The following C12orf42 variants were observed in gnomAD, a reference collection of about 807,000 sequenced individuals.
C12orf42 encodes the protein uncharacterized protein C12orf42.
Under a neutral mutation model 21.6 loss-of-function variants are expected in C12orf42, and 25 were observed. The observed-to-expected ratio is 1.16, with a 90% CI of 0.84 to 1.62. C12orf42 has a LOEUF of 1.62. C12orf42 is among the 40% of genes most tolerant of loss of function. The pLI is 0.00. For synonymous variants in C12orf42, 174 were observed against 175.0 expected (o/e 0.99, Z 0.05); for missense variants, 483 against 459.3 (o/e 1.05, Z -0.47).
chr12:103,529,590 T>C, the C12orf42 span, among the ~76,000 whole-genome samples: 9 of 152,164 alleles, frequency 5.9e-5, 1 homozygote, highest in South Asian at 1.9e-3. Context: ...CAGCAGGAGA[T>C]AGTCAGGGAT....
At chr12:103,512,679 G>A in the C12orf42 span, among the ~76,000 whole-genome samples, 1 of 152,184 alleles carries the variant, frequency 6.6e-6, no homozygotes, top group Non-Finnish European at 1.5e-5. Context: ...AAGGATTGCT[G>A]TTGTGGTGGT....
chr12:103,111,749 C>T, the C12orf42 span, among the ~76,000 whole-genome samples: 3 of 152,174 alleles, frequency 2.0e-5, no homozygotes, highest in Non-Finnish European at 2.9e-5. Context: ...AGCACATTTT[C>T]ATCATGCTAA....
At chr12:103,436,054 C>T (rs570346250) in intron 2 of C12orf42, among the ~76,000 whole-genome samples, 12 of 152,126 alleles carry the variant, frequency 7.9e-5, no homozygotes, top group African/African-American at 2.7e-4. Context: ...GCGGATCTCT[C>T]GGCAGAAACC....
intron 2 of C12orf42, among the ~76,000 whole-genome samples, chr12:103,429,793 C>T (rs928028157): frequency 6.6e-6 from 1 of 152,100 alleles, no homozygotes; most frequent in Non-Finnish European, 1.5e-5. Context: ...TAGAACAGAA[C>T]AGAGGCCTCA....
intron 5 of C12orf42, among the ~76,000 whole-genome samples, chr12:103,275,477 T>C (rs1326405034): frequency 6.6e-6 from 1 of 152,076 alleles, no homozygotes; most frequent in African/African-American, 2.4e-5. Context: ...CTCCAAAAAC[T>C]AGACTAAGAT....
rs182644374 is a variant in C12orf42, at chr12:103,419,073, A to G, written c.79-17398T>C. On this transcript the variant is annotated intron_variant, in intron 2 of 5. Transcript: ENST00000548883. ...AAACTTAGATCTGGATGAAAGTTAA[A>G]TGAGAATATGAGGTAAGGCAGGAAG... Among the ~76,000 whole-genome samples the G allele has an allele frequency of 8.5e-4, 129 of 152,268 alleles. 1 individual carries two copies. The highest frequency in any genetic ancestry group is 1.5e-3 in the Non-Finnish European group (102 of 68,026).
chr12:103,339,084 C>T (rs972396893), intron 4 of C12orf42, among the ~76,000 whole-genome samples: 1 of 152,140 alleles, frequency 6.6e-6, no homozygotes, highest in Non-Finnish European at 1.5e-5. Context: ...GATTTAGAAT[C>T]CTTTCCTTTT....
At chr12:103,330,267 C>T (rs1439182462) in intron 4 of C12orf42, among the ~76,000 whole-genome samples, 1 of 152,096 alleles carries the variant, frequency 6.6e-6, no homozygotes, top group East Asian at 1.9e-4. Flanking sequence ...AACCTGTGTA[C>T]AAAGGATGTG....
At chr12:103,500,838 A>G (rs1219837109), upstream of C12orf42, among the ~76,000 whole-genome samples, 1 of 152,238 alleles carries the variant, frequency 6.6e-6, no homozygotes, top group Non-Finnish European at 1.5e-5. Flanking sequence ...TGCAAAGTAA[A>G]GGAAGAAATA....
At chr12:103,527,184 A>T in the C12orf42 span, among the ~76,000 whole-genome samples, 32 of 152,192 alleles carry the variant, frequency 2.1e-4, no homozygotes, top group Middle Eastern at 3.4e-3. Flanking sequence ...TACCAAAAAA[A>T]TTTCAGAAAG....
intron 4 of C12orf42, among the ~76,000 whole-genome samples, chr12:103,359,206 AC>A (rs1645693554): frequency 6.6e-6 from 1 of 151,578 alleles, no homozygotes; most frequent in African/African-American, 2.4e-5. Context: ...TCTTTTTCTT[AC>A]CTTTTTAAAA....
At chr12:103,496,125 C>G (rs1955535650), upstream of C12orf42, 1 of 152,292 alleles carries the variant, frequency 6.6e-6, no homozygotes, top group Non-Finnish European at 1.5e-5. Flanking sequence ...GGCCTGTGCA[C>G]GACTCCAAGC....
chr12:103,219,502 A>G, the C12orf42 span, among the ~76,000 whole-genome samples: 1 of 152,182 alleles, frequency 6.6e-6, no homozygotes, highest in Non-Finnish European at 1.5e-5. Context: ...AATTTTTGCA[A>G]TCTATCCATC....
At chr12:103,162,963 T>C in the C12orf42 span, 1 of 152,336 alleles carries the variant, frequency 6.6e-6, no homozygotes, top group East Asian at 1.9e-4. Flanking sequence ...GAGATGCCCT[T>C]TCACCAGGTA....
downstream of C12orf42, among the ~76,000 whole-genome samples, chr12:103,233,478 T>A (rs545603604): frequency 1.2e-3 from 190 of 152,298 alleles, no homozygotes; most frequent in Admixed American, 5.8e-3. Context: ...CTCTGTTTAT[T>A]TAGTTCTTTG....
Position 103,382,256 on chromosome 12 carries a change from A to G in C12orf42, c.148-13258T>C, listed in dbSNP as rs547275301. 4.6e-5 allele frequency among the ~76,000 whole-genome samples: 7 copies of G among 152,290 alleles called. No homozygotes were observed. The South Asian group carries it at 1.5e-3, about 32-fold the overall frequency. On this transcript the variant is annotated intron_variant, in intron 3 of 5. Coordinates refer to ENST00000548883, the MANE Select transcript of C12orf42 (RefSeq NM_198521.5). ...CTAGAATAGAAAATTGTGCTTCACAATTTCTATGGCTGATTTCATCTACTT... is the reference window on the plus strand; with the variant it reads ...CTAGAATAGAAAATTGTGCTTCACAGTTTCTATGGCTGATTTCATCTACTT...
the C12orf42 span, among the ~76,000 whole-genome samples, chr12:103,154,025 CAAAAAAAAAAAAA>C: frequency 9.7e-5 from 5 of 51,668 alleles, no homozygotes; most frequent in Admixed American, 6.0e-4. Context: ...CAAATCTCAG[CAAAAAAAAAAAAA>C]AAAAAAAAAA....
intron 3 of C12orf42, among the ~76,000 whole-genome samples, chr12:103,399,840 C>T (rs906328643): frequency 3.3e-5 from 5 of 151,798 alleles, no homozygotes; most frequent in Non-Finnish European, 7.4e-5. Flanking sequence ...GACAGAGACA[C>T]GCAAAGACAC....
At chr12:103,400,330 C>T (rs2047890235) in intron 3 of C12orf42, among the ~76,000 whole-genome samples, 1 of 152,212 alleles carries the variant, frequency 6.6e-6, no homozygotes, top group South Asian at 2.1e-4. Context: ...GTCACCTGCA[C>T]TACTCCTTGA....
Sources: allele counts gnomAD v4.1 joint callset (sites outside exome capture counted in the v4.1 genomes callset), GRCh38; gene constraint gnomAD v4.1.1; transcripts MANE v1.5; gene names NCBI Gene and HGNC (gene_info 2026-07-23, HGNC 2026-07-21).